CDH3: variants seen among roughly 807,000 people sequenced by gnomAD.
CDH3 encodes the protein cadherin-3.
CDH3 carries 54 observed loss-of-function variants against 82.0 expected under a neutral mutation model. That is an observed-to-expected ratio of 0.66 (90% CI 0.53 to 0.83). The LOEUF (loss-of-function observed/expected upper bound fraction) is 0.83, where lower values mean the gene tolerates loss of function less well. Among genes scored for constraint, CDH3 ranks in the 40% least tolerant of loss-of-function variants. CDH3 has a pLI of 0.00. For missense variants in CDH3, 1,054 were observed against 1,084.6 expected, an observed-to-expected ratio of 0.97 and a Z score of 0.40; for synonymous variants, 446 against 437.9, an observed-to-expected ratio of 1.02 and a Z score of -0.23.
chr16:68,676,563 T>G, intron 3 of CDH3, 93 bp downstream of exon 3: 1 of 984,210 alleles, frequency 1.0e-6, no homozygotes, highest in Admixed American at 1.8e-5. Context: ...CTGTGGCCAT[T>G]GTGAGCCAAG....
At position 68,678,911 on chromosome 16, in the gene CDH3, G is replaced by A; in HGVS notation, c.691+5G>A. 2 of 1,613,280 alleles carry A rather than the reference G, an allele frequency of 1.2e-6. No individual in the cohort carries two copies. On this transcript the variant is annotated splice_donor_5th_base_variant and intron_variant, in intron 6 of 15. Transcript: ENST00000264012. ...TCTTAGAGGGAGTCCTACCAGGTAAGAGGACTGGGAAGGGGACTGCTACGG... is the reference window on the plus strand; with the variant it reads ...TCTTAGAGGGAGTCCTACCAGGTAAAAGGACTGGGAAGGGGACTGCTACGG...
chr16:68,681,842 TAAAA>T (rs1291495238), intron 8 of CDH3, among the ~76,000 whole-genome samples: 3 of 149,370 alleles, frequency 2.0e-5, no homozygotes, highest in Non-Finnish European at 2.9e-5. Flanking sequence ...TCTAAAAAAA[TAAAA>T]TAAAAATAAA....
chr16:68,678,792 G>A lies in CDH3; in HGVS notation c.577G>A (p.Ala193Thr). ...LFGHAVSENG[A>T]SVEDPMNISI... ...TGGCCACGCTGTGTCAGAGAATGGTGCCTCAGTGGAGGACCCCATGAACAT... is the reference window on the plus strand; with the variant it reads ...TGGCCACGCTGTGTCAGAGAATGGTACCTCAGTGGAGGACCCCATGAACAT... The change falls in exon 6 of 16, where the codon GCC becomes ACC. Residue 193 changes from alanine (A) to threonine (T), a missense_variant. Physicochemically the swap from Ala to Thr is moderately conservative, Grantham distance 58. Coordinates refer to ENST00000264012, the MANE Select transcript of CDH3 (RefSeq NM_001793.6). 6.2e-7 allele frequency: 1 copy of A among 1,614,146 alleles called. No individual in the cohort carries two copies. The highest frequency in any genetic ancestry group is 1.3e-5 in the African/African-American group (1 of 75,050).
chr16:68,653,921 G>A (rs1960325651), intron 2 of CDH3, among the ~76,000 whole-genome samples: 1 of 151,834 alleles, frequency 6.6e-6, no homozygotes, highest in South Asian at 2.1e-4. Context: ...GTTTCGCCAT[G>A]TTAGCCAGGA....
chr16:68,650,706 C>G (rs1960215615), intron 2 of CDH3, among the ~76,000 whole-genome samples: 1 of 152,098 alleles, frequency 6.6e-6, no homozygotes, highest in South Asian at 2.1e-4. Flanking sequence ...CCTTCGGGGA[C>G]CAGTTCCCTC....
At chr16:68,645,777 G>A (rs760844731) in intron 2 of CDH3, 27 bp downstream of exon 2, 1 of 1,503,464 alleles carries the variant, frequency 6.7e-7, no homozygotes, top group South Asian at 1.2e-5. Context: ...GGAACCGCAG[G>A]GTAGGGGCCG....
chr16:68,701,544 AT>A (rs71382058), downstream of CDH3, among the ~76,000 whole-genome samples: 4,195 of 128,164 alleles, frequency 0.033, 118 homozygotes, highest in East Asian at 0.079. Flanking sequence ...ATTACACACA[AT>A]TTTTTTTTTT....
chr16:68,714,412 A>G (rs1190663605), intron 1 of CDH3, among the ~76,000 whole-genome samples: 1 of 152,178 alleles, frequency 6.6e-6, no homozygotes, highest in Non-Finnish European at 1.5e-5. Flanking sequence ...AAGGGAGTTA[A>G]TGGCTGGTCT....
At chr16:68,650,194 C>T (rs1036485182) in intron 2 of CDH3, among the ~76,000 whole-genome samples, 2 of 152,180 alleles carry the variant, frequency 1.3e-5, no homozygotes, top group African/African-American at 4.8e-5. Context: ...AAGCCGGCCA[C>T]TCAGGAGCCT....
chr16:68,677,405 A>C (rs1325229857), intron 3 of CDH3, among the ~76,000 whole-genome samples: 2 of 152,242 alleles, frequency 1.3e-5, no homozygotes, highest in Non-Finnish European at 2.9e-5. Context: ...AAACTCTATT[A>C]AGCTGCCCTA....
Position 68,695,978 on chromosome 16 carries a change from C to A in CDH3, c.2280+55C>A, listed in dbSNP as rs368410778. On this transcript the variant is annotated intron_variant, in intron 15 of 15. Coordinates refer to ENST00000264012, the MANE Select transcript of CDH3 (RefSeq NM_001793.6). The stretch of plus-strand genomic sequence containing the variant: ...CCCTTTATTCAAGCCCAGCACCAGC[C>A]ACACAGGAGAACAAGCATGGGCCTG... 1,333 of 1,590,912 alleles carry A rather than the reference C, an allele frequency of 8.4e-4. 26 individuals are homozygous for A. In the South Asian group the frequency reaches 0.014, roughly 17 times the overall value.
intron 2 of CDH3, among the ~76,000 whole-genome samples, chr16:68,665,755 C>T (rs770162047): frequency 6.6e-6 from 1 of 152,072 alleles, no homozygotes; most frequent in Non-Finnish European, 1.5e-5. Flanking sequence ...CTCAGAGTGC[C>T]TAGTTTGGGT....
At chr16:68,649,045 C>T (rs940018359) in intron 2 of CDH3, among the ~76,000 whole-genome samples, 1 of 152,054 alleles carries the variant, frequency 6.6e-6, no homozygotes, top group African/African-American at 2.4e-5. Context: ...CTGGGGGCCA[C>T]CTTCCTTCAA....
intron 2 of CDH3, among the ~76,000 whole-genome samples, chr16:68,658,137 T>A (rs1960456628): frequency 6.7e-6 from 1 of 150,314 alleles, no homozygotes; most frequent in South Asian, 2.1e-4. Context: ...TGGCCTCAAG[T>A]GATCCACCCG....
chr16:68,645,964 G>A, intron 2 of CDH3: 1 of 578,988 alleles, frequency 1.7e-6, no homozygotes, highest in Non-Finnish European at 3.1e-6. Flanking sequence ...CCCCTTGTCC[G>A]GTAGCCACTG....
chr16:68,725,315 T>A (rs1242039073), intron 2 of CDH3, among the ~76,000 whole-genome samples: 18 of 152,016 alleles, frequency 1.2e-4, no homozygotes, highest in Admixed American at 3.9e-4. Flanking sequence ...GTCTGCCATG[T>A]TTAGTTAGGT....
intron 2 of CDH3, among the ~76,000 whole-genome samples, chr16:68,659,579 CAAAAA>C (rs548955678): frequency 7.9e-6 from 1 of 125,844 alleles, no homozygotes. Context: ...GATGCTGTCT[CAAAAA>C]AAAAAAAAAG....
At chr16:68,657,724 G>A (rs1053074772) in intron 2 of CDH3, among the ~76,000 whole-genome samples, 5 of 152,172 alleles carry the variant, frequency 3.3e-5, no homozygotes, top group Non-Finnish European at 7.3e-5. Flanking sequence ...AGGACTCTGA[G>A]GCATCTTAGG....
At chr16:68,694,999 T>C (rs1597819939) in intron 13 of CDH3, among the ~76,000 whole-genome samples, 1 of 151,938 alleles carries the variant, frequency 6.6e-6, no homozygotes, top group Non-Finnish European at 1.5e-5. Flanking sequence ...TTGCTGGGGG[T>C]ATTCAAGGAA....
Sources: gnomAD v4.1 joint callset for allele counts (sites outside exome capture counted in the v4.1 genomes callset) on GRCh38, gnomAD v4.1.1 for gene constraint, MANE v1.5 for transcripts, NCBI Gene and HGNC (gene_info 2026-07-23, HGNC 2026-07-21) for gene names.